MAP2: variants seen among roughly 807,000 people sequenced by gnomAD.
The protein encoded by MAP2 is microtubule-associated protein 2.
A neutral mutation model predicts 137.6 loss-of-function variants in MAP2; 14 were observed. That is an observed-to-expected ratio of 0.10 (90% CI 0.07 to 0.16). The LOEUF (loss-of-function observed/expected upper bound fraction) is 0.16. Ranked by LOEUF, MAP2 falls within the 10% of genes least tolerant of loss-of-function variation. MAP2 has a pLI of 1.00. For synonymous variants in MAP2, 786 were observed against 782.3 expected, an observed-to-expected ratio of 1.00 and a Z score of -0.08; for missense variants, 2,088 against 2,191.5, an observed-to-expected ratio of 0.95 and a Z score of 0.94.
intron 1 of MAP2, among the ~76,000 whole-genome samples, chr2:209,439,664 C>T (rs1299647319): frequency 6.6e-6 from 1 of 151,364 alleles, no homozygotes; most frequent in Non-Finnish European, 1.5e-5. Flanking sequence ...TAGAAAAAGG[C>T]AATGTCAACA....
intron 2 of MAP2, among the ~76,000 whole-genome samples, chr2:209,514,618 T>C (rs944264241): frequency 6.6e-6 from 1 of 152,154 alleles, no homozygotes; most frequent in African/African-American, 2.4e-5. Context: ...ATATAGGCCT[T>C]ATATCTTATT....
At chr2:209,658,589 G>T (rs981454796) in intron 5 of MAP2, among the ~76,000 whole-genome samples, 1 of 151,720 alleles carries the variant, frequency 6.6e-6, no homozygotes, top group Non-Finnish European at 1.5e-5. Context: ...TCATTGCAAT[G>T]TCTGCCTCCC....
intron 1 of MAP2, among the ~76,000 whole-genome samples, chr2:209,440,388 C>T (rs909409472): frequency 6.6e-6 from 1 of 151,352 alleles, no homozygotes; most frequent in African/African-American, 2.4e-5. Flanking sequence ...AAAAAGAAAC[C>T]TCATTCATTT....
At chr2:209,691,501 A>G (rs1387044492) in intron 7 of MAP2, among the ~76,000 whole-genome samples, 3 of 152,164 alleles carry the variant, frequency 2.0e-5, no homozygotes, top group Non-Finnish European at 4.4e-5. Flanking sequence ...ACACATAAGT[A>G]TATAAGGTAA....
intron 1 of MAP2, among the ~76,000 whole-genome samples, chr2:209,437,217 T>G (rs1230348667): frequency 6.6e-6 from 1 of 151,738 alleles, no homozygotes; most frequent in Non-Finnish European, 1.5e-5. Context: ...CTTCTGAACC[T>G]TTCACTGTTC....
At chr2:209,485,142 G>A (rs1343646259) in intron 1 of MAP2, among the ~76,000 whole-genome samples, 1 of 152,330 alleles carries the variant, frequency 6.6e-6, no homozygotes, top group Non-Finnish European at 1.5e-5. Flanking sequence ...TCCTAGAGGT[G>A]ACGGGCTGAC....
intron 5 of MAP2, among the ~76,000 whole-genome samples, chr2:209,666,026 AT>A (rs1312607524): frequency 6.6e-6 from 1 of 152,108 alleles, no homozygotes; most frequent in African/African-American, 2.4e-5. Flanking sequence ...AATTCACTGG[AT>A]ACTTTTTCTC....
At chr2:209,666,368 C>G (rs1331292101) in intron 5 of MAP2, among the ~76,000 whole-genome samples, 1 of 151,964 alleles carries the variant, frequency 6.6e-6, no homozygotes. Context: ...AATATAGTAG[C>G]CACTTAACAA....
At chr2:209,561,375 C>G (rs1381730256) in intron 2 of MAP2, among the ~76,000 whole-genome samples, 1 of 152,132 alleles carries the variant, frequency 6.6e-6, no homozygotes, top group Non-Finnish European at 1.5e-5. Flanking sequence ...ACAGGCCATT[C>G]TGATAAAGAA....
At chr2:209,678,714 CTG>C (rs757346824) in intron 6 of MAP2, 29 bp downstream of exon 6, 5 of 1,383,196 alleles carry the variant, frequency 3.6e-6, no homozygotes, top group Non-Finnish European at 5.1e-6. Context: ...AGGTCAGGGA[CTG>C]TGTCTGTTGC....
intron 7 of MAP2, among the ~76,000 whole-genome samples, chr2:209,682,015 G>A (rs994944729): frequency 2.0e-5 from 3 of 151,828 alleles, no homozygotes; most frequent in African/African-American, 7.3e-5. Context: ...GAAACTTTGG[G>A]GATAATAATC....
At chr2:209,663,030 T>C (rs116741446) in intron 5 of MAP2, among the ~76,000 whole-genome samples, 253 of 152,254 alleles carry the variant, frequency 1.7e-3, no homozygotes, top group African/African-American at 5.8e-3. Context: ...TGTTTGCCAC[T>C]GTATGCCAAA....
intron 1 of MAP2, among the ~76,000 whole-genome samples, chr2:209,488,845 G>A (rs2058717447): frequency 6.6e-6 from 1 of 152,320 alleles, no homozygotes; most frequent in African/African-American, 2.4e-5. Context: ...GGGGAAAGGG[G>A]GGGATGTGGG....
chr2:209,633,861 G>T (rs954520910), intron 4 of MAP2, among the ~76,000 whole-genome samples: 17 of 152,088 alleles, frequency 1.1e-4, no homozygotes, highest in African/African-American at 4.1e-4. Flanking sequence ...AATGAAGAGG[G>T]CCTAGAGAGA....
intron 1 of MAP2, among the ~76,000 whole-genome samples, chr2:209,484,710 A>C (rs1000026924): frequency 3.3e-5 from 5 of 152,092 alleles, no homozygotes; most frequent in African/African-American, 1.2e-4. Flanking sequence ...ACAAACAAAA[A>C]ACATATCTTT....
At chr2:209,589,407 A>G (rs962425424) in intron 3 of MAP2, among the ~76,000 whole-genome samples, 1 of 152,176 alleles carries the variant, frequency 6.6e-6, no homozygotes, top group African/African-American at 2.4e-5. Flanking sequence ...ACTTCCTACT[A>G]CTATGAAGCT....
intron 2 of MAP2, among the ~76,000 whole-genome samples, chr2:209,577,211 AT>A (rs550211315): frequency 1.2e-3 from 175 of 146,616 alleles, no homozygotes; most frequent in African/African-American, 2.0e-3. Context: ...TTAAAGGGGC[AT>A]TTTTTTTTTT....
intron 1 of MAP2, among the ~76,000 whole-genome samples, chr2:209,436,129 G>A (rs1696211216): frequency 6.7e-6 from 1 of 149,660 alleles, no homozygotes; most frequent in East Asian, 2.0e-4. Context: ...TGGACTTCAT[G>A]ACTTCACAGA....
At chr2:209,627,422 CT>C (rs2092487887) in intron 4 of MAP2, among the ~76,000 whole-genome samples, 1 of 151,898 alleles carries the variant, frequency 6.6e-6, no homozygotes, top group South Asian at 2.1e-4. Flanking sequence ...GAAGACTAAC[CT>C]TTTTGGGCAA....
Sources: gnomAD v4.1 joint callset for allele counts (sites outside exome capture counted in the v4.1 genomes callset) on GRCh38, gnomAD v4.1.1 for gene constraint, MANE v1.5 for transcripts, NCBI Gene and HGNC (gene_info 2026-07-23, HGNC 2026-07-21) for gene names.